TMEM132D: variants seen among roughly 807,000 people sequenced by gnomAD.
TMEM132D encodes transmembrane protein 132D.
In TMEM132D, 21 loss-of-function variants were observed where a neutral mutation model predicts 62.3. The observed-to-expected ratio is 0.34, with a 90% CI of 0.24 to 0.49. The LOEUF is 0.49. Ranked by LOEUF, TMEM132D falls within the 20% of genes least tolerant of loss-of-function variation. TMEM132D has a pLI of 0.99. For missense variants in TMEM132D, 1,346 were observed against 1,402.8 expected (o/e 0.96, Z 0.65); for synonymous variants, 621 against 575.6 (o/e 1.08, Z -1.13).
At chr12:129,784,489 T>C (rs1023005144) in intron 1 of TMEM132D, among the ~76,000 whole-genome samples, 17 of 152,206 alleles carry the variant, frequency 1.1e-4, no homozygotes, top group Non-Finnish European at 2.4e-4. Flanking sequence ...AATCCAGAGA[T>C]AAAAGGCGGA....
Position 129,393,673 on chromosome 12 carries a change from G to A in TMEM132D, c.1116-55856C>T, listed in dbSNP as rs1402850451. ...ACTTTTCAAAAACTCGTCCTGAAAA[G>A]TCCTGAGTGGCTTCCGCTCATGAAG... On this transcript the variant is annotated intron_variant, in intron 3 of 8. Transcript: ENST00000422113. Among the ~76,000 whole-genome samples, 8 of 152,106 alleles carry A rather than the reference G, an allele frequency of 5.3e-5. No homozygotes were observed. In the South Asian group the frequency reaches 1.0e-3, roughly 20 times the overall value.
At chr12:129,123,876 T>G (rs1254385408) in intron 5 of TMEM132D, among the ~76,000 whole-genome samples, 2 of 152,146 alleles carry the variant, frequency 1.3e-5, no homozygotes, top group East Asian at 3.9e-4. Context: ...GCCTTTGGAT[T>G]CAGAATGCGA....
intron 2 of TMEM132D, chr12:129,683,154 T>A (rs1353028308): frequency 1.3e-5 from 2 of 152,006 alleles, no homozygotes; most frequent in Non-Finnish European, 2.9e-5. Flanking sequence ...AAAAGGAATC[T>A]CGCAGTATCA....
At chr12:129,227,205 T>C (rs1306582302) in intron 4 of TMEM132D, among the ~76,000 whole-genome samples, 2 of 150,428 alleles carry the variant, frequency 1.3e-5, no homozygotes, top group African/African-American at 4.9e-5. Context: ...TGGATTTTTA[T>C]TTATTATGTT....
intron 5 of TMEM132D, among the ~76,000 whole-genome samples, chr12:129,093,200 A>G (rs1034501338): frequency 6.6e-6 from 1 of 152,202 alleles, no homozygotes; most frequent in Non-Finnish European, 1.5e-5. Flanking sequence ...AGGGAAAAAC[A>G]GGCAACTTGA....
At chr12:129,487,893 C>G (rs80148598) in intron 3 of TMEM132D, among the ~76,000 whole-genome samples, 1 of 132,850 alleles carries the variant, frequency 7.5e-6, no homozygotes, top group East Asian at 2.3e-4. Flanking sequence ...GCAGAGATTG[C>G]GCCACTGTAC....
intron 5 of TMEM132D, among the ~76,000 whole-genome samples, chr12:129,204,787 G>A (rs533283063): frequency 6.6e-5 from 10 of 152,270 alleles, no homozygotes; most frequent in African/African-American, 2.2e-4. Flanking sequence ...GAAGGGGCAG[G>A]TCACCTACAA....
chr12:129,695,519 C>A (rs1441236118), intron 2 of TMEM132D, among the ~76,000 whole-genome samples: 1 of 152,230 alleles, frequency 6.6e-6, no homozygotes, highest in Non-Finnish European at 1.5e-5. Context: ...ATCCCAGGTA[C>A]AGACCACATG....
At chr12:129,425,859 G>C (rs1008624521) in intron 3 of TMEM132D, among the ~76,000 whole-genome samples, 1 of 152,164 alleles carries the variant, frequency 6.6e-6, no homozygotes, top group African/African-American at 2.4e-5. Context: ...AAGTTGAGTC[G>C]ACTTCCCAAC....
At position 129,074,423 on chromosome 12, in the gene TMEM132D, T is replaced by A. The variant is rs2135603006; in HGVS notation, c.2752A>T (p.Ile918Phe). The change falls in exon 9 of 9, where the codon ATT (isoleucine) becomes TTT (phenylalanine). Residue 918 changes from isoleucine to phenylalanine, a missense_variant. Physicochemically the swap from Ile to Phe is conservative, Grantham distance 21. Coordinates refer to ENST00000422113, the MANE Select transcript of TMEM132D (RefSeq NM_133448.3). ...ACTCCCAACAAAGCATACATCCCAA[T>A]TTCTAAGTCGCTCAGCCCTTTGGAT... ...QASKGLSDLEIGMYALLGVFC... is the reference protein window; with the variant it reads ...QASKGLSDLEFGMYALLGVFC... 2 of 1,614,094 alleles carry A rather than the reference T, an allele frequency of 1.2e-6. No individual in the cohort carries two copies. Among genetic ancestry groups the A allele is most frequent in the South Asian group, 2.2e-5 (2 of 91,064 alleles).
In TMEM132D at chr12:129,700,150, C is replaced by A. The variant is rs751657289; in HGVS notation, c.628G>T (p.Ala210Ser). The change falls in exon 2 of 9, where the codon GCC becomes TCC. Residue 210 changes from alanine (A) to serine (S), a missense_variant. Ala to Ser is a moderately conservative substitution (Grantham distance 99, BLOSUM62 1). Coordinates refer to ENST00000422113, the MANE Select transcript of TMEM132D (RefSeq NM_133448.3). ...SSWFSPPTVV[A>S]GRRKSVDQPE... ...TGGTCCACGGACTTCCTCCTCCCGG[C>A]AACCACCGTGGGGGGGCTGAACCAG... The A allele has an allele frequency of 5.6e-6, 9 of 1,613,192 alleles. No homozygotes were observed. The South Asian group carries it at 9.9e-5, about 18-fold the overall frequency.
chr12:129,266,535 T>C (rs1182258072), intron 4 of TMEM132D, among the ~76,000 whole-genome samples: 2 of 140,230 alleles, frequency 1.4e-5, no homozygotes, highest in Non-Finnish European at 3.1e-5. Flanking sequence ...CCCTCCCCTC[T>C]CCTCTCTATC....
At chr12:129,663,946 GA>G (rs5801874) in intron 2 of TMEM132D, among the ~76,000 whole-genome samples, 36,676 of 151,376 alleles carry the variant, frequency 0.24, 4,841 homozygotes, top group African/African-American at 0.34. Flanking sequence ...CTCAAATTAG[GA>G]AAAACAAAAT....
intron 1 of TMEM132D, among the ~76,000 whole-genome samples, chr12:129,820,514 G>A (rs1386386158): frequency 6.6e-6 from 1 of 152,154 alleles, no homozygotes; most frequent in East Asian, 1.9e-4. Flanking sequence ...CAGACACAAG[G>A]TTATTTGAGT....
At chr12:129,880,788 C>T (rs755060603) in intron 1 of TMEM132D, among the ~76,000 whole-genome samples, 13 of 149,988 alleles carry the variant, frequency 8.7e-5, no homozygotes, top group South Asian at 4.2e-4. Context: ...AAGAAGCATG[C>T]AGAGAAAAGG....
intron 5 of TMEM132D, among the ~76,000 whole-genome samples, chr12:129,154,360 G>A (rs1325190357): frequency 6.6e-6 from 1 of 152,132 alleles, no homozygotes; most frequent in Non-Finnish European, 1.5e-5. Context: ...CATTTCCCCA[G>A]TTTTGCAACT....
At chr12:129,478,172 G>A (rs970061224) in intron 3 of TMEM132D, among the ~76,000 whole-genome samples, 3 of 152,180 alleles carry the variant, frequency 2.0e-5, no homozygotes, top group African/African-American at 7.2e-5. Context: ...CGCCTGTATA[G>A]GCCACTTACC....
chr12:129,844,069 C>A (rs1300310870), intron 1 of TMEM132D, among the ~76,000 whole-genome samples: 1 of 152,146 alleles, frequency 6.6e-6, no homozygotes, highest in African/African-American at 2.4e-5. Flanking sequence ...CCACTGCACT[C>A]CAGCCTGGGT....
At chr12:129,241,778 A>T (rs1049509291) in intron 4 of TMEM132D, among the ~76,000 whole-genome samples, 2 of 152,188 alleles carry the variant, frequency 1.3e-5, no homozygotes, top group Non-Finnish European at 2.9e-5. Context: ...TAGACTATGC[A>T]TGTTTTGTTT....
Sources: gnomAD v4.1 joint callset for allele counts (sites outside exome capture counted in the v4.1 genomes callset) on GRCh38, gnomAD v4.1.1 for gene constraint, MANE v1.5 for transcripts, NCBI Gene and HGNC (gene_info 2026-07-23, HGNC 2026-07-21) for gene names.